The following ATP4A variants were observed in gnomAD, a reference collection of about 807,000 sequenced individuals.
ATP4A encodes the protein potassium-transporting ATPase alpha chain 1.
Under a neutral mutation model 112.1 loss-of-function variants are expected in ATP4A, and 73 were observed. The observed-to-expected ratio is 0.65, with a 90% CI of 0.54 to 0.79. The LOEUF (loss-of-function observed/expected upper bound fraction) is 0.79. Ranked by LOEUF, ATP4A falls within the 30% of genes least tolerant of loss-of-function variation. The probability of loss-of-function intolerance (pLI) is 0.00; values close to 1 mark genes in which losing one functional copy is unlikely to be tolerated. For missense variants in ATP4A, 1,081 were observed against 1,425.9 expected, an observed-to-expected ratio of 0.76 and a Z score of 3.90; for synonymous variants, 588 against 588.9, an observed-to-expected ratio of 1.00 and a Z score of 0.02.
Position 35,558,773 on chromosome 19 carries a change from G to A in ATP4A, c.1256-87C>T. The A allele has an allele frequency of 1.4e-6, 2 of 1,403,282 alleles. No homozygotes were observed. The highest frequency in any genetic ancestry group is 1.9e-6 in the Non-Finnish European group (2 of 1,048,724). 86.9% of individuals were successfully genotyped at this position (1,403,282 alleles called of 1,614,324 possible). A position where few individuals can be genotyped will look rare whatever the true frequency, so the allele number is the denominator to read the frequency against. On this transcript the variant is annotated intron_variant, in intron 8 of 21. Transcript: ENST00000262623. The surrounding 1 kb of genome is among the most constrained non-coding windows in gnomAD (Gnocchi z 5.1). ...CCCTCCTCCTAGGCTCATATCGCGG[G>A]CCCCCTCCCCAGACCTGGGTGGAAT... is the stretch of plus-strand genomic sequence containing the variant.
intron 16 of ATP4A, among the ~76,000 whole-genome samples, chr19:35,554,037 A>G (rs1353223807): frequency 6.6e-6 from 1 of 152,100 alleles, no homozygotes; most frequent in Non-Finnish European, 1.5e-5. Flanking sequence ...CTTCGTAAGA[A>G]CATCTGCTTT....
chr19:35,557,187 C>A lies in ATP4A; in HGVS notation c.1694-99G>T. On this transcript the variant is annotated intron_variant, in intron 11 of 21. Coordinates refer to ENST00000262623, the MANE Select transcript of ATP4A (RefSeq NM_000704.3). The surrounding 1 kb of genome is among the most constrained non-coding windows in gnomAD (Gnocchi z 4.4). Reference sequence around the variant, plus strand: ...ATAACCAGGCCCCTTGCACCAAACACCTATGGATGCCTGACCTTGTGCTGA... The same window carrying A: ...ATAACCAGGCCCCTTGCACCAAACAACTATGGATGCCTGACCTTGTGCTGA... 1 of 1,350,968 alleles carries A rather than the reference C, an allele frequency of 7.4e-7. No individual in the cohort carries two copies. Among genetic ancestry groups the A allele is most frequent in the Non-Finnish European group, 1.0e-6 (1 of 971,460 alleles). 83.7% of individuals were successfully genotyped at this position (1,350,968 alleles called of 1,614,324 possible).
chr19:35,558,269 A>T lies in ATP4A; in HGVS notation c.1500+93T>A. The T allele has an allele frequency of 6.9e-7, 1 of 1,450,876 alleles. No individual in the cohort carries two copies. The allele number at this position is 1,450,876 out of a possible 1,614,324, so 89.9% of individuals were successfully genotyped here. ...TTGGCTGCGGAGAGAAGGGGCAAGG[A>T]GCGAAGCCCCTCGTGGCCCGCTGAT... is the stretch of plus-strand genomic sequence containing the variant. On this transcript the variant is annotated intron_variant, in intron 10 of 21. Transcript: ENST00000262623. The surrounding 1 kb of genome is among the most constrained non-coding windows in gnomAD (Gnocchi z 5.1).
intron 16 of ATP4A, 154 bp from the exon 17 acceptor site, chr19:35,553,983 C>T: frequency 8.8e-7 from 1 of 1,130,218 alleles, no homozygotes; most frequent in Non-Finnish European, 1.2e-6. Context: ...GCCTGGACAG[C>T]CTGGGCCCCA....
chr19:35,552,343 T>C (rs2071606681), intron 18 of ATP4A, among the ~76,000 whole-genome samples: 2 of 152,166 alleles, frequency 1.3e-5, no homozygotes, highest in African/African-American at 2.4e-5. Flanking sequence ...AACTTGAACA[T>C]GCATGAGAAT....
chr19:35,555,517 G>A lies in ATP4A; in HGVS notation c.2080C>T (p.Arg694Cys), dbSNP rs149961054. 37 of 1,605,332 alleles carry A rather than the reference G, an allele frequency of 2.3e-5. No homozygotes were observed. In the East Asian group the frequency reaches 4.2e-4, roughly 18 times the overall value. ...MDPSELVEAL[R>C]THPEMVFART... ...GCAAACACCATCTCGGGGTGGGTGCGCAGGGCCTCGACCAGTTCCGATGGG... is the reference window on the plus strand; with the variant it reads ...GCAAACACCATCTCGGGGTGGGTGCACAGGGCCTCGACCAGTTCCGATGGG... The change falls in exon 14 of 22, where the codon CGC (arginine) becomes TGC (cysteine). Residue 694 changes from arginine to cysteine, a missense_variant. Coordinates refer to ENST00000262623, the MANE Select transcript of ATP4A (RefSeq NM_000704.3). This position sits in a 1 kb window ranked among gnomAD's most constrained non-coding sequence, Gnocchi z 6.6.
At position 35,560,106 on chromosome 19, in the gene ATP4A, G is replaced by A. The variant is rs2146311375; in HGVS notation, c.788-33C>T. On this transcript the variant is annotated intron_variant, in intron 6 of 21. Coordinates refer to ENST00000262623, the MANE Select transcript of ATP4A (RefSeq NM_000704.3). This position sits in a 1 kb window ranked among gnomAD's most constrained non-coding sequence, Gnocchi z 5.1. ...GGGGCCAAGGCGCGACTCAGGGATA[G>A]GGGGCGGCAGTGGGGTGTGCACTGC... 1 of 1,610,250 alleles carries A rather than the reference G, an allele frequency of 6.2e-7. No individual in the cohort carries two copies. The highest frequency in any genetic ancestry group is 8.5e-7 in the Non-Finnish European group (1 of 1,178,212).
rs1342271093 is a variant in ATP4A at position 35,563,190 on chromosome 19, C to A, written c.216+19G>T. On this transcript the variant is annotated intron_variant, in intron 3 of 21. Transcript: ENST00000262623. ...TCTCTCCTCCTCCCCTTTCTGTACGCTCCCAGTCTCCAGCTCACCTTGGTG... is the reference window on the plus strand; with the variant it reads ...TCTCTCCTCCTCCCCTTTCTGTACGATCCCAGTCTCCAGCTCACCTTGGTG... 1.2e-6 allele frequency: 2 copies of A among 1,613,626 alleles called. No individual in the cohort carries two copies. Among genetic ancestry groups the A allele is most frequent in the Non-Finnish European group, 1.7e-6 (2 of 1,179,920 alleles).
In ATP4A at chr19:35,558,425, C is replaced by T; in HGVS notation, c.1437G>A (p.Met479Ile). ...CTTTTGGGAAGCGGTCCCGGTAGCCCATGGCGTTGCCCAGCGTCAGCTCCG... is the reference window on the plus strand; with the variant it reads ...CTTTTGGGAAGCGGTCCCGGTAGCCTATGGCGTTGCCCAGCGTCAGCTCCG... ...KFSELTLGNA[M>I]GYRDRFPKVC... Residue 479 changes from methionine to isoleucine, a missense_variant, in exon 10 of 22, where the codon ATG becomes ATA. Coordinates refer to ENST00000262623, the MANE Select transcript of ATP4A (RefSeq NM_000704.3). This position sits in a 1 kb window ranked among gnomAD's most constrained non-coding sequence, Gnocchi z 5.1. The T allele has an allele frequency of 6.2e-7, 1 of 1,608,780 alleles. No individual in the cohort carries two copies. The highest frequency in any genetic ancestry group is 8.5e-7 in the Non-Finnish European group (1 of 1,177,890).
intron 3 of ATP4A, 42 bp downstream of exon 3, chr19:35,563,167 T>A: frequency 6.3e-7 from 1 of 1,578,214 alleles, no homozygotes; most frequent in Non-Finnish European, 8.6e-7. Context: ...TCCCTCCCTC[T>A]CTCCTCCTCC....
chr19:35,557,917 G>A lies in ATP4A; in HGVS notation c.1501-70C>T. The A allele has an allele frequency of 9.3e-7, 1 of 1,073,104 alleles. No individual in the cohort carries two copies. The highest frequency in any genetic ancestry group is 1.3e-6 in the Non-Finnish European group (1 of 786,844). The allele number at this position is 1,073,104 out of a possible 1,614,324, so 66.5% of individuals were successfully genotyped here. Reference sequence around the variant, plus strand: ...GCGGGGCTGTGGACGAGGGAACGGGGCGGGGCTGAGGAGAGGGGCGGGGCC... The same window carrying A: ...GCGGGGCTGTGGACGAGGGAACGGGACGGGGCTGAGGAGAGGGGCGGGGCC... On this transcript the variant is annotated intron_variant, in intron 10 of 21. Coordinates refer to ENST00000262623, the MANE Select transcript of ATP4A (RefSeq NM_000704.3). This position sits in a 1 kb window ranked among gnomAD's most constrained non-coding sequence, Gnocchi z 4.4.
rs1599574953 is a variant in ATP4A at position 35,560,605 on chromosome 19, A to T, written c.545T>A (p.Val182Asp). 1 of 1,599,578 alleles carries T rather than the reference A, an allele frequency of 6.3e-7. No homozygotes were observed. Among genetic ancestry groups the T allele is most frequent in the African/African-American group, 1.3e-5 (1 of 74,126 alleles). Reference protein sequence around the residue: ...FKNLVPQQATVIRDGDKFQIN... With the variant: ...FKNLVPQQATDIRDGDKFQIN... ...CTGGAATTTGTCTCCATCGCGGATGACAGTGGCTTGCTGCGGGGCAGGGGC... is the reference window on the plus strand; with the variant it reads ...CTGGAATTTGTCTCCATCGCGGATGTCAGTGGCTTGCTGCGGGGCAGGGGC... Residue 182 changes from valine (V) to aspartate (D), a missense_variant, in exon 6 of 22, where the codon GTC becomes GAC. Val to Asp is a radical substitution (Grantham distance 152). Coordinates refer to ENST00000262623, the MANE Select transcript of ATP4A (RefSeq NM_000704.3). The surrounding 1 kb of genome is among the most constrained non-coding windows in gnomAD (Gnocchi z 5.1).
Position 35,551,225 on chromosome 19 carries a change from A to G in ATP4A, c.2886-114T>C, listed in dbSNP as rs1281774992. On this transcript the variant is annotated intron_variant, in intron 19 of 21. Transcript: ENST00000262623. This position sits in a 1 kb window ranked among gnomAD's most constrained non-coding sequence, Gnocchi z 5.2. ...GCAGCAGCAGGGAGGTGTTCTACAC[A>G]CTGAACACTGGAGTGGCCCGGGCCT... 4 of 1,214,204 alleles carry G rather than the reference A, an allele frequency of 3.3e-6. No homozygotes were observed. The Admixed American group carries it at 6.0e-5, about 18-fold the overall frequency. The allele number at this position is 1,214,204 out of a possible 1,614,324, so 75.2% of individuals were successfully genotyped here.
Position 35,555,793 on chromosome 19 carries a change from T to C in ATP4A, c.1889A>G (p.Asp630Gly). ...AATGGCCTTGGCGGTGATGGGGTGG[T>C]CACCCGTTACCATGATCACCTGTAG... Reference protein sequence around the residue: ...AGIRVIMVTGDHPITAKAIAA... With the variant: ...AGIRVIMVTGGHPITAKAIAA... The change falls in exon 13 of 22, where the codon GAC becomes GGC. Residue 630 changes from aspartate to glycine, a missense_variant. Around this residue, in one of 3 missense-constraint regions of ATP4A, gnomAD observed 850 missense variants for 1,068.2 expected, o/e 0.80. Transcript: ENST00000262623. This position sits in a 1 kb window ranked among gnomAD's most constrained non-coding sequence, Gnocchi z 6.6. 12 of 1,612,476 alleles carry C rather than the reference T, an allele frequency of 7.4e-6. No homozygotes were observed. Among genetic ancestry groups the C allele is most frequent in the Non-Finnish European group, 1.0e-5 (12 of 1,179,038 alleles).
rs770151145 is a variant in ATP4A, at chr19:35,555,152, G to A, written c.2326+14C>T. On this transcript the variant is annotated intron_variant, in intron 15 of 21. Coordinates refer to ENST00000262623, the MANE Select transcript of ATP4A (RefSeq NM_000704.3). The surrounding 1 kb of genome is among the most constrained non-coding windows in gnomAD (Gnocchi z 6.6). ...TGCCCACACTGCCTGCCCTCCCCCT[G>A]GCGTGGCTCGGACCCTGCTCCACGC... The A allele has an allele frequency of 3.7e-6, 6 of 1,613,968 alleles. No homozygotes were observed. The Admixed American group carries it at 5.0e-5, about 13-fold the overall frequency.
rs2071610943 is a variant in ATP4A at position 35,553,130 on chromosome 19, C to T, written c.2658G>A (p.Gln886=). 1 of 1,610,180 alleles carries T rather than the reference C, an allele frequency of 6.2e-7. No homozygotes were observed. Among genetic ancestry groups the T allele is most frequent in the Non-Finnish European group, 8.5e-7 (1 of 1,176,766 alleles). ...GFTDYFTAMA[Q]EGWFPLLCVG... ...CGCACAGCAGTGGGAACCAGCCCTC[C>T]TGGGCCATTGCCGTGAAGTAGTCAG... is the stretch of plus-strand genomic sequence containing the variant. The change falls in exon 18 of 22, where the codon CAG becomes CAA. Residue 886 remains glutamine, a synonymous_variant. Coordinates refer to ENST00000262623, the MANE Select transcript of ATP4A (RefSeq NM_000704.3).
chr19:35,555,260 G>GGCTA lies in ATP4A; in HGVS notation c.2228_2231dup (p.Met745SerfsTer15), dbSNP rs1568313787. 6.2e-7 allele frequency: 1 copy of GGCTA among 1,614,214 alleles called. No individual in the cohort carries two copies. Among genetic ancestry groups the GGCTA allele is most frequent in the South Asian group, 1.1e-5 (1 of 91,082 alleles). ...CAGCATCTGAGCCAGCGATGCCCAT[G>GGCTA]GCTACTCCGATGTCTGCCTTCTTCA... On this transcript the variant is annotated frameshift_variant, in exon 15 of 22. Transcript: ENST00000262623. LOFTEE classifies it high-confidence loss of function. This position sits in a 1 kb window ranked among gnomAD's most constrained non-coding sequence, Gnocchi z 6.6.
rs976743888 is a variant in ATP4A, at chr19:35,555,475, G to C, written c.2122C>G (p.Gln708Glu). 5 of 1,611,802 alleles carry C rather than the reference G, an allele frequency of 3.1e-6. No individual in the cohort carries two copies. Among genetic ancestry groups the C allele is most frequent in the Non-Finnish European group, 4.2e-6 (5 of 1,178,816 alleles). The change falls in exon 14 of 22, where the codon CAG becomes GAG. Residue 708 changes from glutamine (Q) to glutamate (E), a missense_variant. Gln to Glu is a conservative substitution (Grantham distance 29). Transcript: ENST00000262623. This position sits in a 1 kb window ranked among gnomAD's most constrained non-coding sequence, Gnocchi z 6.6. ...CAGCTCTCCACGATCACCAGCTTCT[G>C]CTGGGGGCTGGTGCGCGCAAACACC... is the stretch of plus-strand genomic sequence containing the variant. Reference protein sequence around the residue: ...EMVFARTSPQQKLVIVESCQR... With the variant: ...EMVFARTSPQEKLVIVESCQR...
At position 35,553,780 on chromosome 19, in the gene ATP4A, T is replaced by C; in HGVS notation, c.2531A>G (p.His844Arg). 1.9e-6 allele frequency: 3 copies of C among 1,608,838 alleles called. No individual in the cohort carries two copies. The highest frequency in any genetic ancestry group is 2.5e-6 in the Non-Finnish European group (3 of 1,177,838). ...ACGCTTTGGGTTGCGTGGACGCAGG[T>C]GCATGATGTCACTCTCGGCCTTTTC... ...AYEKAESDIMHLRPRNPKRDR... is the reference protein window; with the variant it reads ...AYEKAESDIMRLRPRNPKRDR... The change falls in exon 17 of 22, where the codon CAC becomes CGC. Residue 844 changes from histidine (H) to arginine (R), a missense_variant. Around this residue, in one of 3 missense-constraint regions of ATP4A, gnomAD observed 219 missense variants for 320.9 expected, o/e 0.68. Coordinates refer to ENST00000262623, the MANE Select transcript of ATP4A (RefSeq NM_000704.3).
Sources: allele counts gnomAD v4.1 joint callset (sites outside exome capture counted in the v4.1 genomes callset), GRCh38; gene constraint gnomAD v4.1.1; regional missense constraint gnomAD v4.1.1; non-coding constraint Gnocchi (gnomAD v3.1); transcripts MANE v1.5; gene names NCBI Gene and HGNC (gene_info 2026-07-23, HGNC 2026-07-21).